The following AK5 variants were observed in gnomAD, a reference collection of about 807,000 sequenced individuals.
The protein encoded by AK5 is adenylate kinase isoenzyme 5.
AK5 carries 27 observed loss-of-function variants against 69.5 expected under a neutral mutation model. The ratio of observed to expected loss-of-function variants is 0.39; its 90% CI spans 0.29 to 0.54. The LOEUF (loss-of-function observed/expected upper bound fraction) is 0.54. Among genes scored for constraint, AK5 ranks in the 20% least tolerant of loss-of-function variants. The probability of loss-of-function intolerance (pLI) is 0.71; values close to 1 mark genes in which losing one functional copy is unlikely to be tolerated. For missense variants in AK5, 531 were observed against 700.4 expected (o/e 0.76, Z 2.73); for synonymous variants, 260 against 244.4 (o/e 1.06, Z -0.60).
chr1:77,479,892 G>A (rs79340872), intron 8 of AK5, among the ~76,000 whole-genome samples: 1,550 of 152,280 alleles, frequency 0.01, 35 homozygotes, highest in East Asian at 0.079. Context: ...GTCTTCTCAA[G>A]TGATGCCTCA....
At chr1:77,383,342 C>G (rs2100507669) in intron 6 of AK5, among the ~76,000 whole-genome samples, 1 of 152,090 alleles carries the variant, frequency 6.6e-6, no homozygotes, top group South Asian at 2.1e-4. Context: ...TGTGAGAAGT[C>G]ATAAAAAATG....
At chr1:77,421,908 C>T (rs1650840493) in intron 8 of AK5, among the ~76,000 whole-genome samples, 1 of 152,170 alleles carries the variant, frequency 6.6e-6, no homozygotes, top group Non-Finnish European at 1.5e-5. Context: ...ATGGTTTTGA[C>T]TTCACTTAAG....
At chr1:77,373,732 G>A (rs28635212) in intron 6 of AK5, among the ~76,000 whole-genome samples, 68 of 143,612 alleles carry the variant, frequency 4.7e-4, no homozygotes, top group African/African-American at 4.7e-4. Context: ...TCTCAAAAAA[G>A]AAAAAAAAAA....
chr1:77,519,399 C>G (rs1484842786), intron 11 of AK5, among the ~76,000 whole-genome samples: 1 of 152,158 alleles, frequency 6.6e-6, no homozygotes, highest in African/African-American at 2.4e-5. Flanking sequence ...ACCATTACAG[C>G]TGCCACTTAG....
intron 8 of AK5, among the ~76,000 whole-genome samples, chr1:77,467,356 A>T (rs1654205584): frequency 6.6e-6 from 1 of 152,160 alleles, no homozygotes; most frequent in Non-Finnish European, 1.5e-5. Flanking sequence ...CAACAATGAG[A>T]ATTTCTCCTT....
chr1:77,463,730 A>G (rs1653978245), intron 8 of AK5, among the ~76,000 whole-genome samples: 1 of 152,082 alleles, frequency 6.6e-6, no homozygotes, highest in African/African-American at 2.4e-5. Context: ...TTTTTCCCTT[A>G]TTATAGGCCT....
At chr1:77,340,241 T>G in intron 5 of AK5, 136 bp from the exon 6 acceptor site, 2 of 799,456 alleles carry the variant, frequency 2.5e-6, no homozygotes, top group Non-Finnish European at 3.9e-6. Context: ...GCAGCAGCCC[T>G]GGAAATACAC....
chr1:77,512,789 A>G (rs1195986444), intron 10 of AK5, among the ~76,000 whole-genome samples: 1 of 152,200 alleles, frequency 6.6e-6, no homozygotes, highest in Non-Finnish European at 1.5e-5. Flanking sequence ...GATAGACTGG[A>G]TTAAGAAAAT....
intron 6 of AK5, among the ~76,000 whole-genome samples, chr1:77,359,759 G>T (rs1295392431): frequency 1.3e-5 from 2 of 152,102 alleles, no homozygotes; most frequent in South Asian, 2.1e-4. Context: ...TATGTAATTC[G>T]CTAGCTTTAC....
At chr1:77,374,204 T>C (rs1051896311) in intron 6 of AK5, among the ~76,000 whole-genome samples, 15 of 152,184 alleles carry the variant, frequency 9.9e-5, no homozygotes, top group African/African-American at 2.9e-4. Context: ...CTCAATACTG[T>C]CTCATAATAA....
chr1:77,398,973 T>C (rs919057444), intron 6 of AK5, among the ~76,000 whole-genome samples: 2 of 152,216 alleles, frequency 1.3e-5, no homozygotes, highest in African/African-American at 2.4e-5. Flanking sequence ...TTTTCTGGGC[T>C]ACAGATCCCT....
chr1:77,473,289 C>G (rs1452955560), intron 8 of AK5, among the ~76,000 whole-genome samples: 1 of 151,536 alleles, frequency 6.6e-6, no homozygotes, highest in East Asian at 1.9e-4. Flanking sequence ...ACGATCACAA[C>G]TCACTGCAGC....
chr1:77,306,667 A>G (rs191833098), intron 5 of AK5, among the ~76,000 whole-genome samples: 2 of 152,106 alleles, frequency 1.3e-5, no homozygotes, highest in East Asian at 1.9e-4. Context: ...TGGTTTGAAT[A>G]TGATTGGTAG....
intron 2 of AK5, among the ~76,000 whole-genome samples, chr1:77,287,815 T>C (rs975659793): frequency 4.7e-4 from 72 of 152,234 alleles, no homozygotes; most frequent in Admixed American, 4.3e-3. Context: ...ATTTGCCTTA[T>C]TGAACACAGT....
At chr1:77,467,135 T>C (rs1216400452) in intron 8 of AK5, among the ~76,000 whole-genome samples, 1 of 152,222 alleles carries the variant, frequency 6.6e-6, no homozygotes, top group African/African-American at 2.4e-5. Flanking sequence ...AATTGCCTCT[T>C]TTATTCATTC....
chr1:77,395,852 T>C (rs1417906144), intron 6 of AK5, among the ~76,000 whole-genome samples: 2 of 152,224 alleles, frequency 1.3e-5, no homozygotes, highest in East Asian at 3.9e-4. Context: ...TCTTCTCGGA[T>C]AATCCCAAGA....
chr1:77,428,187 G>C (rs920910457), intron 8 of AK5, among the ~76,000 whole-genome samples: 6 of 152,170 alleles, frequency 3.9e-5, no homozygotes, highest in Admixed American at 3.3e-4. Flanking sequence ...TAAAACTTCT[G>C]CTAATGGTCT....
Position 77,518,604 on chromosome 1 carries a change from G to C in AK5, c.1188G>C (p.Leu396=). ...GSGKGTQCEK[L]VEKYGFTHLS... is the part of the protein sequence containing the mutation. Reference sequence around the variant, plus strand: ...GCAAAGGCACACAGTGTGAAAAGCTGGTGGAAAAATATGGATTTACACATC... The same window carrying C: ...GCAAAGGCACACAGTGTGAAAAGCTCGTGGAAAAATATGGATTTACACATC... Residue 396 remains leucine (L), a synonymous_variant, in exon 11 of 14, where the codon CTG becomes CTC. Transcript: ENST00000354567. The C allele has an allele frequency of 6.2e-7, 1 of 1,614,128 alleles. No individual in the cohort carries two copies. The highest frequency in any genetic ancestry group is 1.1e-5 in the South Asian group (1 of 91,074).
chr1:77,524,040 T>C (rs1034978445), intron 12 of AK5, among the ~76,000 whole-genome samples: 2 of 152,210 alleles, frequency 1.3e-5, no homozygotes, highest in Non-Finnish European at 2.9e-5. Flanking sequence ...TGAATTTCAC[T>C]ATTCTAGGTA....
Sources: allele counts gnomAD v4.1 joint callset (sites outside exome capture counted in the v4.1 genomes callset), GRCh38; gene constraint gnomAD v4.1.1; transcripts MANE v1.5; gene names NCBI Gene and HGNC (gene_info 2026-07-23, HGNC 2026-07-21).